NMRAL1: variants seen among roughly 807,000 people sequenced by gnomAD.
NMRAL1 encodes the protein nmrA-like family domain-containing protein 1.
A neutral mutation model predicts 27.5 loss-of-function variants in NMRAL1; 32 were observed. That is an observed-to-expected ratio of 1.16 (90% CI 0.88 to 1.56). NMRAL1 has a LOEUF of 1.56. Ranked by LOEUF, NMRAL1 falls within the 40% of genes most tolerant of loss-of-function variation. The probability of loss-of-function intolerance (pLI) is 0.00; values close to 1 mark genes in which losing one functional copy is unlikely to be tolerated. For synonymous variants in NMRAL1, 166 were observed against 166.8 expected, an observed-to-expected ratio of 1.00 and a Z score of 0.04; for missense variants, 420 against 392.0, an observed-to-expected ratio of 1.07 and a Z score of -0.60.
rs541865860 is a variant in NMRAL1, at chr16:4,463,550, T to A, written c.720+110A>T. ...AAAATAAACGTTGACGATGAACGAA[T>A]GAATTTAGATGTACTGCCCAGAGGT... On this transcript the variant is annotated intron_variant, in intron 5 of 5. Transcript: ENST00000283429. 4.9e-6 allele frequency: 4 copies of A among 822,216 alleles called. No homozygotes were observed. In the African/African-American group the frequency reaches 7.1e-5, roughly 15 times the overall value. The allele number at this position is 822,216 out of a possible 1,614,324, so 50.9% of individuals were successfully genotyped here. A position where few individuals can be genotyped will look rare whatever the true frequency, so the allele number is the denominator to read the frequency against.
intron 2 of NMRAL1, among the ~76,000 whole-genome samples, chr16:4,472,521 G>A (rs1188333259): frequency 6.6e-6 from 1 of 152,066 alleles, no homozygotes; most frequent in Non-Finnish European, 1.5e-5. Context: ...GAAGTGGGCA[G>A]ATCACCTGAG....
At chr16:4,475,424 C>T (rs1421150759), upstream of NMRAL1, among the ~76,000 whole-genome samples, 3 of 151,952 alleles carry the variant, frequency 2.0e-5, no homozygotes, top group African/African-American at 7.2e-5. Flanking sequence ...TCTCCTGCCT[C>T]AGTTTCCTGA....
chr16:4,463,675 G>A lies in NMRAL1; in HGVS notation c.705C>T (p.Val235=), dbSNP rs550304104. 3.6e-5 allele frequency: 58 copies of A among 1,613,732 alleles called. No homozygotes were observed. Among genetic ancestry groups the A allele is most frequent in the African/African-American group, 3.1e-4 (23 of 75,048 alleles). The part of the protein sequence containing the change: ...AALLTKHTRK[V]VHDAKMTPED... ...GGAGGCCCACCTTGGCATCGTGCAC[G>A]ACCTTGCGGGTGTGCTTGGTGAGCA... is the stretch of plus-strand genomic sequence containing the variant. Residue 235 remains valine, a synonymous_variant, in exon 5 of 6, where the codon GTC becomes GTT. Transcript: ENST00000283429.
In NMRAL1 at chr16:4,461,723, G is replaced by A. The variant is rs953959401; in HGVS notation, c.*57C>T. On this transcript the variant is annotated 3_prime_UTR_variant, in exon 6 of 6. Coordinates refer to ENST00000283429, the MANE Select transcript of NMRAL1 (RefSeq NM_020677.6). ...AGAACAATGGCTTTATTCAGATGTTGGTGCCTCTGCCCCTCTGGTGCCCCC... is the reference window on the plus strand; with the variant it reads ...AGAACAATGGCTTTATTCAGATGTTAGTGCCTCTGCCCCTCTGGTGCCCCC... The A allele has an allele frequency of 1.4e-6, 2 of 1,467,708 alleles. No individual in the cohort carries two copies. Among genetic ancestry groups the A allele is most frequent in the Non-Finnish European group, 1.9e-6 (2 of 1,080,190 alleles). 90.9% of individuals were successfully genotyped at this position (1,467,708 alleles called of 1,614,324 possible). A position where few individuals can be genotyped will look rare whatever the true frequency, so the allele number is the denominator to read the frequency against.
At chr16:4,464,930 C>T (rs1164281128) in intron 4 of NMRAL1, among the ~76,000 whole-genome samples, 3 of 114,474 alleles carry the variant, frequency 2.6e-5, no homozygotes, top group Non-Finnish European at 5.5e-5. Flanking sequence ...TTTTTTGAGA[C>T]GGGGTCTTGC....
intron 4 of NMRAL1, 167 bp from the exon 5 acceptor site, chr16:4,464,017 G>A (rs1292971005): frequency 3.5e-6 from 2 of 569,380 alleles, no homozygotes; most frequent in Non-Finnish European, 6.1e-6. Flanking sequence ...CACAGAGGCA[G>A]CAGTGGAATT....
chr16:4,472,152 C>T (rs2057589514), intron 2 of NMRAL1, among the ~76,000 whole-genome samples: 1 of 152,108 alleles, frequency 6.6e-6, no homozygotes, highest in Non-Finnish European at 1.5e-5. Flanking sequence ...AAGTATCCAT[C>T]CACTGACGAA....
At chr16:4,475,955 T>G (rs1239730785), upstream of NMRAL1, 1 of 152,134 alleles carries the variant, frequency 6.6e-6, no homozygotes, top group Non-Finnish European at 1.5e-5. Context: ...GAAAAATCAT[T>G]CTGTCATTCT....
chr16:4,462,296 C>T (rs963759176), intron 5 of NMRAL1, among the ~76,000 whole-genome samples: 6 of 151,902 alleles, frequency 3.9e-5, no homozygotes, highest in East Asian at 1.9e-4. Context: ...GTGGCCAACA[C>T]GATAAAACCC....
chr16:4,463,972 G>C, intron 4 of NMRAL1, 122 bp from the exon 5 acceptor site: 1 of 692,464 alleles, frequency 1.4e-6, no homozygotes. Flanking sequence ...CCAGCACTCG[G>C]GCATAGCTAA....
intron 5 of NMRAL1, among the ~76,000 whole-genome samples, chr16:4,463,245 C>G (rs975245942): frequency 2.0e-5 from 3 of 152,220 alleles, no homozygotes; most frequent in Non-Finnish European, 4.4e-5. Flanking sequence ...CAGTAGGCCT[C>G]CTGCCCACCC....
Position 4,463,648 on chromosome 16 carries a change from C to CG in NMRAL1, c.720+11dup, listed in dbSNP as rs1350988794. 1 of 1,611,538 alleles carries CG rather than the reference C, an allele frequency of 6.2e-7. No individual in the cohort carries two copies. The highest frequency in any genetic ancestry group is 1.7e-5 in the Admixed American group (1 of 59,934). Reference sequence around the variant, plus strand: ...ACAAGGATGCCTGAGTCACCTGGGGCGGGAGGCCCACCTTGGCATCGTGCA... The same window carrying CG: ...ACAAGGATGCCTGAGTCACCTGGGGCGGGGAGGCCCACCTTGGCATCGTGCA... On this transcript the variant is annotated intron_variant, in intron 5 of 5. Transcript: ENST00000283429.
intron 3 of NMRAL1, among the ~76,000 whole-genome samples, chr16:4,468,382 G>A (rs971008611): frequency 4.6e-5 from 7 of 152,288 alleles, no homozygotes; most frequent in South Asian, 2.1e-4. Flanking sequence ...TTGGGAGGCC[G>A]AGGTGGGCGG....
intron 5 of NMRAL1, 42 bp downstream of exon 5, chr16:4,463,618 C>T (rs1217321354): frequency 6.3e-7 from 1 of 1,597,912 alleles, no homozygotes; most frequent in Non-Finnish European, 8.5e-7. Flanking sequence ...AGCTAGAAAG[C>T]CCTGACAAGG....
intron 5 of NMRAL1, 69 bp from the exon 6 acceptor site, chr16:4,462,028 C>G (rs1025516979): frequency 3.6e-6 from 5 of 1,397,050 alleles, no homozygotes; most frequent in Non-Finnish European, 5.0e-6. Flanking sequence ...GCAGGGAGGC[C>G]GGATGGGCTG....
rs148278703 is a variant in NMRAL1 at position 4,461,816 on chromosome 16, C to G, written c.864G>C (p.Trp288Cys). ...TGAAGTCCCCTTTGTGCTGTTCCAG[C>G]CACTGGTCCAGCGTCAGGGCCTTGG... ...LNPKALTLDQ[W>C]LEQHKGDFNL... The change falls in exon 6 of 6, where the codon TGG becomes TGC. Residue 288 changes from tryptophan (W) to cysteine (C), a missense_variant. Physicochemically the swap from Trp to Cys is radical, Grantham distance 215 (BLOSUM62 -2). Transcript: ENST00000283429. 4.0e-4 allele frequency: 652 copies of G among 1,613,984 alleles called. 5 individuals carry two copies. Among genetic ancestry groups the G allele is most frequent in the Middle Eastern group, 6.6e-4 (4 of 6,084 alleles).
chr16:4,472,556 C>A (rs928003634), intron 2 of NMRAL1, among the ~76,000 whole-genome samples: 2 of 152,090 alleles, frequency 1.3e-5, no homozygotes, highest in African/African-American at 4.8e-5. Flanking sequence ...ACCAGCCTGG[C>A]CACATGGCAA....
chr16:4,461,726 G>A lies in NMRAL1; in HGVS notation c.*54C>T. On this transcript the variant is annotated 3_prime_UTR_variant, in exon 6 of 6. Transcript: ENST00000283429. ...ACAATGGCTTTATTCAGATGTTGGT[G>A]CCTCTGCCCCTCTGGTGCCCCCGAT... 3.4e-6 allele frequency: 5 copies of A among 1,484,840 alleles called. No homozygotes were observed. The highest frequency in any genetic ancestry group is 2.7e-6 in the Non-Finnish European group (3 of 1,094,814). The allele number at this position is 1,484,840 out of a possible 1,614,324, so 92.0% of individuals were successfully genotyped here. A position where few individuals can be genotyped will look rare whatever the true frequency, so the allele number is the denominator to read the frequency against.
chr16:4,468,532 C>G lies in NMRAL1; in HGVS notation c.279+695G>C, dbSNP rs559428499. Reference sequence around the variant, plus strand: ...TCGGGAGGCTGAGGCAGAAGAATTGCTTGAATCTGGGAGGCAGAGGTTGCA... The same window carrying G: ...TCGGGAGGCTGAGGCAGAAGAATTGGTTGAATCTGGGAGGCAGAGGTTGCA... On this transcript the variant is annotated intron_variant, in intron 3 of 5. Coordinates refer to ENST00000283429, the MANE Select transcript of NMRAL1 (RefSeq NM_020677.6). 1.0e-4 allele frequency among the ~76,000 whole-genome samples: 15 copies of G among 150,078 alleles called. 1 individual carries two copies. The East Asian group carries it at 2.9e-3, about 29-fold the overall frequency.
Sources: gnomAD v4.1 joint callset for allele counts (sites outside exome capture counted in the v4.1 genomes callset) on GRCh38, gnomAD v4.1.1 for gene constraint, MANE v1.5 for transcripts, NCBI Gene and HGNC (gene_info 2026-07-23, HGNC 2026-07-21) for gene names.